ARHGEF10: variants seen among roughly 807,000 people sequenced by gnomAD.
ARHGEF10 encodes Rho guanine nucleotide exchange factor (GEF) 10.
Under a neutral mutation model 147.4 loss-of-function variants are expected in ARHGEF10, and 140 were observed. The observed-to-expected ratio is 0.95, with a 90% CI of 0.83 to 1.09. The LOEUF (loss-of-function observed/expected upper bound fraction) is 1.09, where lower values mean the gene tolerates loss of function less well. Ranked by LOEUF, ARHGEF10 falls within the 50% of genes least tolerant of loss-of-function variation. The pLI is 0.00. For synonymous variants in ARHGEF10, 902 were observed against 695.8 expected, an observed-to-expected ratio of 1.30 and a Z score of -4.67; for missense variants, 2,222 against 1,752.7, an observed-to-expected ratio of 1.27 and a Z score of -4.78.
At position 1,926,397 on chromosome 8, in the gene ARHGEF10, C is replaced by T. The variant is rs1421770045; in HGVS notation, c.2631C>T (p.Asn877=). ...QEFKIECAAY[N]PEPYLNNESQ... ...TTTAGATTGAATGTGCTGCTTATAA[C>T]CCTGAACCTTACCTAAATAATGAAA... Residue 877 remains asparagine, a synonymous_variant, in exon 23 of 29, where the codon AAC becomes AAT. Coordinates refer to ENST00000349830, the MANE Select transcript of ARHGEF10 (RefSeq NM_014629.4). 3 of 1,613,928 alleles carry T rather than the reference C, an allele frequency of 1.9e-6. No homozygotes were observed. In the African/African-American group the frequency reaches 4.0e-5, roughly 22 times the overall value.
chr8:1,838,194 G>A (rs1379837889), intron 1 of ARHGEF10, among the ~76,000 whole-genome samples: 1 of 152,198 alleles, frequency 6.6e-6, no homozygotes, highest in Non-Finnish European at 1.5e-5. Flanking sequence ...AACAGGCCTG[G>A]ACTCCATCTC....
In ARHGEF10 at chr8:1,926,661, A is replaced by T. The variant is rs878965777; in HGVS notation, c.2697+198A>T. 3 of 645,650 alleles carry T rather than the reference A, an allele frequency of 4.6e-6. No individual in the cohort carries two copies. In the Admixed American group the frequency reaches 7.6e-5, roughly 16 times the overall value. The allele number at this position is 645,650 out of a possible 1,614,324, so 40.0% of individuals were successfully genotyped here. ...AAGATTTACAGTTCTTAGGAATGCAAATATTTGTTTCTTTTCCTTTTCATC... is the reference window on the plus strand; with the variant it reads ...AAGATTTACAGTTCTTAGGAATGCATATATTTGTTTCTTTTCCTTTTCATC... On this transcript the variant is annotated intron_variant, in intron 23 of 28. Transcript: ENST00000349830.
rs1815674440 is a variant in ARHGEF10, at chr8:1,957,446, ACAG to A, written c.*187_*189del. On this transcript the variant is annotated 3_prime_UTR_variant, in exon 29 of 29. Coordinates refer to ENST00000349830, the MANE Select transcript of ARHGEF10 (RefSeq NM_014629.4). The stretch of plus-strand genomic sequence containing the variant: ...TGCCAATTCCTTCCTTCTCTTCTGT[ACAG>A]CAGAAGTAATTACAAGCACTTCTCA... The A allele has an allele frequency of 1.2e-6, 1 of 833,522 alleles. No homozygotes were observed. The highest frequency in any genetic ancestry group is 1.8e-6 in the Non-Finnish European group (1 of 546,514). 51.6% of individuals were successfully genotyped at this position (833,522 alleles called of 1,614,324 possible).
At chr8:1,925,442 C>T (rs755508794) in intron 22 of ARHGEF10, 38 bp downstream of exon 22, 23 of 1,611,842 alleles carry the variant, frequency 1.4e-5, no homozygotes, top group Non-Finnish European at 1.7e-5. Context: ...GGGTGGGACG[C>T]ACCTCGCAGC....
At position 1,923,068 on chromosome 8, in the gene ARHGEF10, G is replaced by A. The variant is rs774488280; in HGVS notation, c.2248G>A (p.Gly750Arg). ...CACTCAGCTGATAGGAAACCTTAAA[G>A]GAAACTATCAGGTAACAATTGAAGC... ...QITQLIGNLK[G>R]NYQNLNQSVA... Residue 750 changes from glycine to arginine, a missense_variant, in exon 19 of 29, where the codon GGA becomes AGA. Transcript: ENST00000349830. 22 of 1,607,194 alleles carry A rather than the reference G, an allele frequency of 1.4e-5. No homozygotes were observed. In the Admixed American group the frequency reaches 2.0e-4, roughly 15 times the overall value.
At chr8:1,884,202 G>A (rs1038299867) in intron 10 of ARHGEF10, among the ~76,000 whole-genome samples, 13 of 152,060 alleles carry the variant, frequency 8.5e-5, no homozygotes, top group African/African-American at 3.1e-4. Flanking sequence ...GACCATCCTG[G>A]CTAACACGGT....
At chr8:1,881,073 G>C (rs1236357794) in intron 9 of ARHGEF10, among the ~76,000 whole-genome samples, 4 of 152,184 alleles carry the variant, frequency 2.6e-5, no homozygotes, top group Admixed American at 2.6e-4. Flanking sequence ...GGGTGTGTGA[G>C]CTACATTTGG....
intron 1 of ARHGEF10, among the ~76,000 whole-genome samples, chr8:1,827,794 A>C (rs532439443): frequency 8.5e-5 from 13 of 152,348 alleles, no homozygotes; most frequent in Middle Eastern, 3.4e-3. Context: ...GTTTGGGTTC[A>C]AAGTTTTTCT....
chr8:1,874,782 G>A (rs919836564), intron 7 of ARHGEF10, among the ~76,000 whole-genome samples: 31 of 148,778 alleles, frequency 2.1e-4, no homozygotes, highest in African/African-American at 2.8e-4. Context: ...ACACCAGGGC[G>A]TGTAGGGGGT....
chr8:1,823,374 G>T (rs1188425567), upstream of ARHGEF10, among the ~76,000 whole-genome samples: 1 of 151,806 alleles, frequency 6.6e-6, no homozygotes, highest in African/African-American at 2.4e-5. Flanking sequence ...GGGCTCAAGG[G>T]CGGGTCGGGT....
At position 1,880,141 on chromosome 8, in the gene ARHGEF10, C is replaced by G; in HGVS notation, c.937C>G (p.Leu313Val). ...STVGVVEIQQLRQKHELKMQK... is the reference protein window; with the variant it reads ...STVGVVEIQQVRQKHELKMQK... ...GGTGGGCGTGGTGGAGATTCAGCAGCTCAGGCAGAAGCATGAACTGAAGGT... is the reference window on the plus strand; with the variant it reads ...GGTGGGCGTGGTGGAGATTCAGCAGGTCAGGCAGAAGCATGAACTGAAGGT... Residue 313 changes from leucine to valine, a missense_variant, in exon 9 of 29, where the codon CTC (leucine) becomes GTC (valine). Coordinates refer to ENST00000349830, the MANE Select transcript of ARHGEF10 (RefSeq NM_014629.4). The G allele has an allele frequency of 6.2e-7, 1 of 1,613,470 alleles. No individual in the cohort carries two copies. The highest frequency in any genetic ancestry group is 8.5e-7 in the Non-Finnish European group (1 of 1,179,426).
chr8:1,924,260 C>G (rs528042293), intron 21 of ARHGEF10, among the ~76,000 whole-genome samples: 6 of 152,260 alleles, frequency 3.9e-5, no homozygotes, highest in African/African-American at 1.4e-4. Context: ...TCACCCCTCA[C>G]TGAGAAGCAA....
chr8:1,879,906 T>C, intron 8 of ARHGEF10, 142 bp from the exon 9 acceptor site: 5 of 742,652 alleles, frequency 6.7e-6, no homozygotes, highest in South Asian at 5.7e-5. Flanking sequence ...ATGGGGACTC[T>C]CGCGTGTGGT....
chr8:1,903,266 C>T lies in ARHGEF10; in HGVS notation c.1651-15C>T, dbSNP rs973387493. ...TCCACGTGGTAACTGCCCACCTCTC[C>T]CCTGTTGCTTGTAGGACATGCTGAA... On this transcript the variant is annotated splice_polypyrimidine_tract_variant and intron_variant, in intron 15 of 28. Transcript: ENST00000349830. 2.5e-6 allele frequency: 4 copies of T among 1,613,894 alleles called. No homozygotes were observed. The highest frequency in any genetic ancestry group is 2.7e-5 in the African/African-American group (2 of 74,902).
At chr8:1,849,772 T>C (rs113155510) in intron 2 of ARHGEF10, among the ~76,000 whole-genome samples, 4,808 of 40,282 alleles carry the variant, frequency 0.12, 26 homozygotes, top group African/African-American at 0.2. Flanking sequence ...CACGTGGACA[T>C]AGAGGGCAAA....
chr8:1,850,787 A>G (rs1173073710), intron 2 of ARHGEF10, among the ~76,000 whole-genome samples: 1 of 152,220 alleles, frequency 6.6e-6, no homozygotes, highest in African/African-American at 2.4e-5. Context: ...GCCAGAACCC[A>G]GAAGCAGCCA....
chr8:1,900,709 A>T (rs1212307206), intron 15 of ARHGEF10, among the ~76,000 whole-genome samples: 1 of 152,238 alleles, frequency 6.6e-6, no homozygotes, highest in East Asian at 1.9e-4. Context: ...TCTTAAACTC[A>T]GAATTCCAGT....
chr8:1,858,855 C>T (rs1442890504), intron 3 of ARHGEF10: 2 of 174,858 alleles, frequency 1.1e-5, no homozygotes, highest in African/African-American at 4.8e-5. Flanking sequence ...GTGTTTCTCT[C>T]TGCTTGCACG....
At chr8:1,845,000 A>C (rs1296133619) in intron 2 of ARHGEF10, among the ~76,000 whole-genome samples, 1 of 152,204 alleles carries the variant, frequency 6.6e-6, no homozygotes, top group Non-Finnish European at 1.5e-5. Flanking sequence ...TTAGTTATGC[A>C]TGATGGTGCA....
Sources: gnomAD v4.1 joint callset for allele counts (sites outside exome capture counted in the v4.1 genomes callset) on GRCh38, gnomAD v4.1.1 for gene constraint, MANE v1.5 for transcripts, NCBI Gene and HGNC (gene_info 2026-07-23, HGNC 2026-07-21) for gene names.